Variants in ANKRD44 observed in about 807,000 individuals in gnomAD.
The protein encoded by ANKRD44 is ankyrin repeat domain 44, also known as serine/threonine-protein phosphatase 6 regulatory ankyrin repeat subunit B.
In ANKRD44, 35 loss-of-function variants were observed where a neutral mutation model predicts 116.0. The ratio of observed to expected loss-of-function variants is 0.30; its 90% confidence interval spans 0.23 to 0.40. The LOEUF (loss-of-function observed/expected upper bound fraction) is 0.40, where lower values mean the gene tolerates loss of function less well. ANKRD44 is among the 10% of genes least tolerant of loss of function. The pLI is 1.00. For missense variants in ANKRD44, 1,014 were observed against 1,242.6 expected (o/e 0.82, Z 2.77); for synonymous variants, 435 against 461.8 (o/e 0.94, Z 0.74).
chr2:197,138,150 G>T (rs1184653991), intron 3 of ANKRD44, among the ~76,000 whole-genome samples: 1 of 152,196 alleles, frequency 6.6e-6, no homozygotes, highest in Non-Finnish European at 1.5e-5. Context: ...AGGTGCTAAG[G>T]AGAATTAAGT....
At chr2:197,040,630 G>C (rs187980964) in intron 16 of ANKRD44, among the ~76,000 whole-genome samples, 57 of 152,102 alleles carry the variant, frequency 3.7e-4, no homozygotes, top group African/African-American at 1.2e-3. Context: ...GCCCTCCTTG[G>C]CCTCCCAAGG....
chr2:197,081,567 G>A, intron 15 of ANKRD44, 78 bp downstream of exon 15: 1 of 1,297,098 alleles, frequency 7.7e-7, no homozygotes, highest in Non-Finnish European at 1.1e-6. Flanking sequence ...AAATAGTAAG[G>A]CAGGCAACGT....
intron 16 of ANKRD44, among the ~76,000 whole-genome samples, chr2:197,068,773 T>A (rs1218245947): frequency 6.6e-6 from 1 of 152,176 alleles, no homozygotes; most frequent in African/African-American, 2.4e-5. Context: ...CCAGTTAGAA[T>A]GGCAGTCATT....
chr2:197,010,814 T>C (rs150103299), intron 18 of ANKRD44, among the ~76,000 whole-genome samples: 1,764 of 152,308 alleles, frequency 0.012, 33 homozygotes, highest in African/African-American at 0.04. Context: ...CTATGTGAGG[T>C]TGATAAAGGC....
chr2:197,249,810 C>G (rs971763259), intron 1 of ANKRD44, among the ~76,000 whole-genome samples: 1 of 152,068 alleles, frequency 6.6e-6, no homozygotes, highest in South Asian at 2.1e-4. Context: ...TTCAAAGAAG[C>G]GTCTAGGTTT....
chr2:197,234,343 C>T (rs746340202), intron 1 of ANKRD44, among the ~76,000 whole-genome samples: 3 of 152,126 alleles, frequency 2.0e-5, no homozygotes, highest in Non-Finnish European at 4.4e-5. Context: ...AGGCACATGC[C>T]GCCATGCCTG....
At chr2:197,146,051 GT>G (rs2079493184) in intron 3 of ANKRD44, among the ~76,000 whole-genome samples, 1 of 152,170 alleles carries the variant, frequency 6.6e-6, no homozygotes, top group South Asian at 2.1e-4. Context: ...TTGGAAACCT[GT>G]TTGGTGAGAT....
chr2:197,255,930 G>A lies in ANKRD44; in HGVS notation c.27+54648C>T, dbSNP rs565276327. 1.1e-4 allele frequency among the ~76,000 whole-genome samples: 17 copies of A among 152,356 alleles called. 1 individual carries two copies. In the South Asian group the frequency reaches 2.7e-3, roughly 24 times the overall value. Reference sequence around the variant, plus strand: ...TACATTGCAGGAGCCTTTGAAAAGCGTAATGCCTGGGTGCAGTTTAAAAAT... The same window carrying A: ...TACATTGCAGGAGCCTTTGAAAAGCATAATGCCTGGGTGCAGTTTAAAAAT... On this transcript the variant is annotated intron_variant, in intron 1 of 27. Transcript: ENST00000282272.
At chr2:197,103,336 C>T (rs748100624) in intron 9 of ANKRD44, among the ~76,000 whole-genome samples, 26 of 151,670 alleles carry the variant, frequency 1.7e-4, no homozygotes, top group Non-Finnish European at 3.5e-4. Flanking sequence ...GAAATTGACA[C>T]ATGTTTTCTA....
At chr2:197,066,144 T>C (rs1398708070) in intron 16 of ANKRD44, among the ~76,000 whole-genome samples, 1 of 152,094 alleles carries the variant, frequency 6.6e-6, no homozygotes, top group East Asian at 1.9e-4. Context: ...TATACACAAA[T>C]CAATAAACAT....
chr2:197,181,465 G>T (rs910811904), intron 2 of ANKRD44, among the ~76,000 whole-genome samples: 2 of 152,116 alleles, frequency 1.3e-5, no homozygotes, highest in Admixed American at 6.5e-5. Context: ...CAACCCTTGG[G>T]ACTATAATCT....
At chr2:197,260,827 T>C (rs1349106932) in intron 1 of ANKRD44, among the ~76,000 whole-genome samples, 3 of 121,078 alleles carry the variant, frequency 2.5e-5, no homozygotes, top group Non-Finnish European at 3.5e-5. Flanking sequence ...ATTTCTCTGA[T>C]GGCCAGTGAT....
chr2:197,063,116 G>A (rs908846891), intron 16 of ANKRD44, among the ~76,000 whole-genome samples: 3 of 152,186 alleles, frequency 2.0e-5, no homozygotes, highest in Non-Finnish European at 2.9e-5. Context: ...CCTCTGAGAC[G>A]AAGCTTCCAG....
rs373754502 is a variant in ANKRD44 at position 197,061,553 on chromosome 2, C to T, written c.1650+17150G>A. Among the ~76,000 whole-genome samples, 5 of 152,122 alleles carry T rather than the reference C, an allele frequency of 3.3e-5. No individual in the cohort carries two copies. In the East Asian group the frequency reaches 9.6e-4, roughly 29 times the overall value. The stretch of plus-strand genomic sequence containing the variant: ...TGTCCTGTGTTCACCATGAGAAGTG[C>T]GTAGAGCTCATGGGAAACATGCTGA... On this transcript the variant is annotated intron_variant, in intron 16 of 27. Transcript: ENST00000282272.
At chr2:197,211,875 C>G (rs545756594) in intron 1 of ANKRD44, among the ~76,000 whole-genome samples, 25 of 152,052 alleles carry the variant, frequency 1.6e-4, no homozygotes, top group African/African-American at 6.0e-4. Context: ...GAAAGGTGAT[C>G]GACAGATCCA....
intron 1 of ANKRD44, chr2:197,263,186 C>A (rs1051479497): frequency 1.5e-5 from 7 of 478,796 alleles, no homozygotes; most frequent in African/African-American, 1.0e-4. Context: ...CCATCTGCTA[C>A]CTGCAGTGGT....
At chr2:197,166,979 A>G (rs1052354059) in intron 2 of ANKRD44, among the ~76,000 whole-genome samples, 2 of 152,254 alleles carry the variant, frequency 1.3e-5, no homozygotes, top group Non-Finnish European at 2.9e-5. Flanking sequence ...GCATAACATC[A>G]TAAGTGACAG....
At chr2:197,284,409 A>C (rs1298280440) in intron 1 of ANKRD44, among the ~76,000 whole-genome samples, 1 of 152,106 alleles carries the variant, frequency 6.6e-6, no homozygotes, top group Non-Finnish European at 1.5e-5. Flanking sequence ...AAAACTACTT[A>C]AATGTGACAT....
chr2:197,176,834 A>G (rs1457326174), intron 2 of ANKRD44, among the ~76,000 whole-genome samples: 3 of 152,082 alleles, frequency 2.0e-5, no homozygotes, highest in Non-Finnish European at 4.4e-5. Flanking sequence ...AAAAAATCTT[A>G]CCTACCTCTC....
Sources: allele counts gnomAD v4.1 joint callset (sites outside exome capture counted in the v4.1 genomes callset), GRCh38; gene constraint gnomAD v4.1.1; transcripts MANE v1.5; gene names NCBI Gene and HGNC (gene_info 2026-07-23, HGNC 2026-07-21).